The following PLXNA4 variants were observed in gnomAD, a reference collection of about 807,000 sequenced individuals.
The protein encoded by PLXNA4 is plexin-A4.
In PLXNA4, 44 loss-of-function variants were observed where a neutral mutation model predicts 191.8. The ratio of observed to expected loss-of-function variants is 0.23; its 90% confidence interval spans 0.18 to 0.29. The LOEUF (loss-of-function observed/expected upper bound fraction) is 0.29. Among genes scored for constraint, PLXNA4 ranks in the 10% least tolerant of loss-of-function variants. PLXNA4 has a pLI of 1.00. For synonymous variants in PLXNA4, 1,082 were observed against 1,009.5 expected (o/e 1.07, Z -1.36); for missense variants, 1,800 against 2,488.8 (o/e 0.72, Z 5.89).
At chr7:132,132,237 TC>T (rs1794949254) in intron 31 of PLXNA4, among the ~76,000 whole-genome samples, 1 of 152,128 alleles carries the variant, frequency 6.6e-6, no homozygotes, top group Admixed American at 6.5e-5. Context: ...GGCCTCTCTC[TC>T]CCAGCTGCTC....
intron 2 of PLXNA4, among the ~76,000 whole-genome samples, chr7:132,633,643 C>G (rs939000563): frequency 6.6e-6 from 1 of 152,178 alleles, no homozygotes; most frequent in Non-Finnish European, 1.5e-5. Flanking sequence ...AGGATATATT[C>G]AGGCACTGAA....
chr7:132,305,476 G>A (rs1801482543), intron 3 of PLXNA4, among the ~76,000 whole-genome samples: 3 of 151,824 alleles, frequency 2.0e-5, no homozygotes, highest in East Asian at 3.9e-4. Flanking sequence ...TTCCAAGGCA[G>A]CCAGCCCCTT....
At chr7:132,252,310 T>G (rs964819141) in intron 4 of PLXNA4, among the ~76,000 whole-genome samples, 38 of 116,196 alleles carry the variant, frequency 3.3e-4, no homozygotes, top group African/African-American at 1.3e-3. Flanking sequence ...TTTTTTTTTT[T>G]TTTTTTTTTT....
At chr7:132,380,653 G>T (rs568889235) in intron 3 of PLXNA4, among the ~76,000 whole-genome samples, 1 of 152,296 alleles carries the variant, frequency 6.6e-6, no homozygotes, top group South Asian at 2.1e-4. Flanking sequence ...ACGATTTAAA[G>T]TATCAGGAGC....
At chr7:132,484,950 G>A in intron 3 of PLXNA4, 1 of 1,614,112 alleles carries the variant, frequency 6.2e-7, no homozygotes. Flanking sequence ...TTCGCCCCAG[G>A]TGGGTCTCCC....
At chr7:132,580,260 A>G (rs554827359), upstream of PLXNA4, among the ~76,000 whole-genome samples, 10 of 152,170 alleles carry the variant, frequency 6.6e-5, no homozygotes, top group Non-Finnish European at 1.3e-4. Context: ...CCCCACCCCA[A>G]GAATAAATAC....
At chr7:132,510,350 C>A (rs1261815107) in intron 1 of PLXNA4, among the ~76,000 whole-genome samples, 3 of 152,192 alleles carry the variant, frequency 2.0e-5, no homozygotes, top group Admixed American at 2.0e-4. Flanking sequence ...AGCCAGCATC[C>A]TAATGAAAAG....
intron 1 of PLXNA4, among the ~76,000 whole-genome samples, chr7:132,562,720 T>TC (rs1801281902): frequency 1.6e-5 from 1 of 60,772 alleles, no homozygotes; most frequent in African/African-American, 7.0e-5. Context: ...TCCTCCTCCT[T>TC]TTCCTCGTCC....
intron 3 of PLXNA4, among the ~76,000 whole-genome samples, chr7:132,405,968 G>A (rs1794202750): frequency 6.6e-6 from 1 of 152,160 alleles, no homozygotes; most frequent in South Asian, 2.1e-4. Flanking sequence ...TTGACTTAAA[G>A]CCATACGATG....
chr7:132,237,810 G>A (rs1798752507), intron 5 of PLXNA4, among the ~76,000 whole-genome samples: 1 of 152,170 alleles, frequency 6.6e-6, no homozygotes, highest in South Asian at 2.1e-4. Context: ...AGTTATCGTG[G>A]AATCTATTTG....
At chr7:132,341,363 A>T (rs1407842110) in intron 3 of PLXNA4, among the ~76,000 whole-genome samples, 5 of 152,242 alleles carry the variant, frequency 3.3e-5, no homozygotes, top group African/African-American at 1.2e-4. Context: ...AAAGGCCGGC[A>T]ATTAACTATG....
Position 132,159,586 on chromosome 7 carries a change from G to A in PLXNA4, c.4547C>T (p.Pro1516Leu). The change falls in exon 25 of 32, where the codon CCA becomes CTA. Residue 1516 changes from proline (P) to leucine (L), a missense_variant. Physicochemically the swap from Pro to Leu is moderately conservative, Grantham distance 98. Transcript: ENST00000321063. ...GGTGTCACAGTTGAGGATCTTTACTGGGACCTCGGGGCTGTTGGCATTGTC... is the reference window on the plus strand; with the variant it reads ...GGTGTCACAGTTGAGGATCTTTACTAGGACCTCGGGGCTGTTGGCATTGTC... The part of the protein sequence containing the change: ...SPDNANSPEV[P>L]VKILNCDTIT... The A allele has an allele frequency of 6.2e-7, 1 of 1,614,082 alleles. No homozygotes were observed. The highest frequency in any genetic ancestry group is 8.5e-7 in the Non-Finnish European group (1 of 1,180,030).
intron 24 of PLXNA4, among the ~76,000 whole-genome samples, chr7:132,161,241 A>G (rs560401954): frequency 6.6e-6 from 1 of 152,330 alleles, no homozygotes; most frequent in South Asian, 2.1e-4. Flanking sequence ...GCTGCCACCT[A>G]AACGTAATCC....
chr7:132,281,284 T>C (rs1307746775), intron 4 of PLXNA4, among the ~76,000 whole-genome samples: 4 of 152,216 alleles, frequency 2.6e-5, no homozygotes, highest in Non-Finnish European at 5.9e-5. Context: ...TTGTTGGCTG[T>C]GCTGAATAAA....
chr7:132,505,846 C>T (rs910513583), intron 2 of PLXNA4, among the ~76,000 whole-genome samples: 1 of 152,042 alleles, frequency 6.6e-6, no homozygotes, highest in Non-Finnish European at 1.5e-5. Flanking sequence ...TCCATACCCC[C>T]GTAAGTTCAC....
At chr7:132,200,056 G>GGCA (rs1797382311) in intron 12 of PLXNA4, among the ~76,000 whole-genome samples, 1 of 152,200 alleles carries the variant, frequency 6.6e-6, no homozygotes, top group African/African-American at 2.4e-5. Flanking sequence ...ACTGGCATCT[G>GGCA]GCAGCAGTGT....
chr7:132,150,700 G>C (rs959016954), intron 25 of PLXNA4, among the ~76,000 whole-genome samples: 3 of 152,346 alleles, frequency 2.0e-5, no homozygotes, highest in Middle Eastern at 6.8e-3. Flanking sequence ...CAGCCCTCTA[G>C]CTTAGCAACT....
intron 30 of PLXNA4, 141 bp downstream of exon 30, chr7:132,140,458 G>C: frequency 1.6e-6 from 2 of 1,242,138 alleles, no homozygotes; most frequent in Non-Finnish European, 2.2e-6. Context: ...TGGGGGTGTG[G>C]GTGTTGCAGT....
intron 1 of PLXNA4, among the ~76,000 whole-genome samples, chr7:132,530,937 A>G (rs1799595242): frequency 6.6e-6 from 1 of 152,246 alleles, no homozygotes; most frequent in Admixed American, 6.5e-5. Context: ...AAATGAATGA[A>G]CCTTAAAAAT....
Sources: allele counts gnomAD v4.1 joint callset (sites outside exome capture counted in the v4.1 genomes callset), GRCh38; gene constraint gnomAD v4.1.1; transcripts MANE v1.5; gene names NCBI Gene and HGNC (gene_info 2026-07-23, HGNC 2026-07-21).